CARMIL2: variants seen among roughly 807,000 people sequenced by gnomAD.
The protein encoded by CARMIL2 is capping protein regulator and myosin 1 linker 2.
In CARMIL2, 96 loss-of-function variants were observed where a neutral mutation model predicts 173.3. The observed-to-expected ratio is 0.55, with a 90% CI of 0.47 to 0.66. The LOEUF is 0.66. Ranked by LOEUF, CARMIL2 falls within the 30% of genes least tolerant of loss-of-function variation. The pLI, the probability that CARMIL2 is intolerant of heterozygous loss-of-function variation, is 0.00. For missense variants in CARMIL2, 1,771 were observed against 1,906.7 expected (o/e 0.93, Z 1.33); for synonymous variants, 830 against 817.1 (o/e 1.02, Z -0.27).
chr16:67,655,022 C>T (rs1185840048), intron 32 of CARMIL2, 122 bp downstream of exon 32: 10 of 1,312,648 alleles, frequency 7.6e-6, no homozygotes, highest in South Asian at 1.4e-5. Flanking sequence ...ACTCCATTCT[C>T]CTCGAAATGG....
At chr16:67,645,474 C>T in intron 1 of CARMIL2, 66 bp from the exon 2 acceptor site, 1 of 1,465,866 alleles carries the variant, frequency 6.8e-7, no homozygotes, top group South Asian at 1.2e-5. Context: ...CAGCCTGGCA[C>T]AGACTGTGGG....
intron 35 of CARMIL2, 44 bp from the exon 36 acceptor site, chr16:67,656,757 G>A (rs534018975): frequency 5.8e-6 from 9 of 1,549,258 alleles, no homozygotes; most frequent in African/African-American, 5.5e-5. Context: ...GGGCTGGAGT[G>A]GGGGCAGCTG....
In CARMIL2 at chr16:67,647,164, G is replaced by A; in HGVS notation, c.660G>A (p.Arg220=). 6.2e-7 allele frequency: 1 copy of A among 1,613,868 alleles called. No individual in the cohort carries two copies. The highest frequency in any genetic ancestry group is 1.3e-5 in the African/African-American group (1 of 75,046). ...CCCTGTCCTACAACCTGTGGTTCCG[G>A]TGCCTCTCCTGTGTGGACATGAAGC... The part of the protein sequence containing the change: ...VAALSYNLWF[R]CLSCVDMKLS... Residue 220 remains arginine, a synonymous_variant, in exon 9 of 38, where the codon CGG becomes CGA. Coordinates refer to ENST00000334583, the MANE Select transcript of CARMIL2 (RefSeq NM_001013838.3).
At chr16:67,650,304 C>G in intron 22 of CARMIL2, 154 bp downstream of exon 22, 1 of 629,480 alleles carries the variant, frequency 1.6e-6, no homozygotes, top group South Asian at 1.9e-5. Flanking sequence ...CTGGAGGCGG[C>G]TAAACACCCC....
At chr16:67,656,695 G>C (rs774282527) in intron 35 of CARMIL2, 50 bp downstream of exon 35, 5 of 1,571,850 alleles carry the variant, frequency 3.2e-6, no homozygotes, top group Non-Finnish European at 4.3e-6. Context: ...GGGGCTGGAG[G>C]AGTTCCTGCT....
rs751887211 is a variant in CARMIL2 at position 67,656,829 on chromosome 16, G to A, written c.4065G>A (p.Ser1355=). 22 of 1,550,672 alleles carry A rather than the reference G, an allele frequency of 1.4e-5. No individual in the cohort carries two copies. The highest frequency in any genetic ancestry group is 1.7e-4 in the Middle Eastern group (1 of 5,956). Reference sequence around the variant, plus strand: ...GCCAGCTGAGGCCGAGGCCTCTCTCGGCAGGGCGGCGAGCAGTGTCTGTGC... The same window carrying A: ...GCCAGCTGAGGCCGAGGCCTCTCTCAGCAGGGCGGCGAGCAGTGTCTGTGC... The part of the protein sequence containing the change: ...EDGQLRPRPL[S]AGRRAVSVHE... The change falls in exon 36 of 38, where the codon TCG becomes TCA. Residue 1355 remains serine, a synonymous_variant. Transcript: ENST00000334583.
At position 67,652,595 on chromosome 16, in the gene CARMIL2, C is replaced by T; in HGVS notation, c.2884+57C>T. 1 of 1,533,922 alleles carries T rather than the reference C, an allele frequency of 6.5e-7. No individual in the cohort carries two copies. On this transcript the variant is annotated intron_variant, in intron 28 of 37. Transcript: ENST00000334583. The surrounding 1 kb of genome is among the most constrained non-coding windows in gnomAD (Gnocchi z 4.7). ...GTGGGTGGGCTGAAGCTCCATTAGACTTGGGGACCCGGGGACCTGGATGAA... is the reference window on the plus strand; with the variant it reads ...GTGGGTGGGCTGAAGCTCCATTAGATTTGGGGACCCGGGGACCTGGATGAA...
At position 67,656,838 on chromosome 16, in the gene CARMIL2, G is replaced by A; in HGVS notation, c.4074G>A (p.Arg1358=). The A allele has an allele frequency of 6.4e-7, 1 of 1,550,674 alleles. No homozygotes were observed. The highest frequency in any genetic ancestry group is 8.7e-7 in the Non-Finnish European group (1 of 1,146,874). The change falls in exon 36 of 38, where the codon CGG becomes CGA. Residue 1358 remains arginine (R), a synonymous_variant. Coordinates refer to ENST00000334583, the MANE Select transcript of CARMIL2 (RefSeq NM_001013838.3). ...GGCCGAGGCCTCTCTCGGCAGGGCG[G>A]CGAGCAGTGTCTGTGCATGAGGACC... The part of the protein sequence containing the change: ...QLRPRPLSAG[R]RAVSVHEDQL...
chr16:67,650,914 C>T, intron 22 of CARMIL2: 1 of 425,520 alleles, frequency 2.4e-6, no homozygotes, highest in Non-Finnish European at 4.3e-6. Context: ...AGTCTATCCT[C>T]TGTGTGGACA....
In CARMIL2 at chr16:67,654,437, A is replaced by G. The variant is rs920222103; in HGVS notation, c.3327A>G (p.Ser1109=). 5.0e-6 allele frequency: 8 copies of G among 1,612,704 alleles called. No individual in the cohort carries two copies. Among genetic ancestry groups the G allele is most frequent in the Non-Finnish European group, 5.9e-6 (7 of 1,179,536 alleles). The change falls in exon 31 of 38, where the codon TCA becomes TCG. Residue 1109 remains serine, a synonymous_variant. Coordinates refer to ENST00000334583, the MANE Select transcript of CARMIL2 (RefSeq NM_001013838.3). Reference sequence around the variant, plus strand: ...TCTTTGCCTTCAAGAAGCCTCGTTCAACGCGGGGTCCACGGACTGATCTAG... The same window carrying G: ...TCTTTGCCTTCAAGAAGCCTCGTTCGACGCGGGGTCCACGGACTGATCTAG... The part of the protein sequence containing the change: ...GTLFAFKKPR[S]TRGPRTDLET...
At position 67,645,293 on chromosome 16, in the gene CARMIL2, G is replaced by T. The variant is rs1189590588; in HGVS notation, c.40+7G>T. On this transcript the variant is annotated splice_region_variant and intron_variant, in intron 1 of 37. Transcript: ENST00000334583. ...ATCTCCTGTGAGCTCCGAGGTAAGC[G>T]CTGGCCCTTCCTGCCTTCTTGGCCG... is the stretch of plus-strand genomic sequence containing the variant. The T allele has an allele frequency of 1.2e-6, 2 of 1,603,212 alleles. No homozygotes were observed. Among genetic ancestry groups the T allele is most frequent in the East Asian group, 2.2e-5 (1 of 44,582 alleles).
rs900546721 is a variant in CARMIL2 at position 67,653,009 on chromosome 16, G to T, written c.2885-10G>T. On this transcript the variant is annotated splice_polypyrimidine_tract_variant and intron_variant, in intron 28 of 37. Transcript: ENST00000334583. This position sits in a 1 kb window ranked among gnomAD's most constrained non-coding sequence, Gnocchi z 7.4. ...CGGCGCTCGGTGCTCTTCTGGTGCT[G>T]TCCCCTCAGGTGCTGCTGAGGAAGC... 7.9e-7 allele frequency: 1 copy of T among 1,260,434 alleles called. No individual in the cohort carries two copies. Among genetic ancestry groups the T allele is most frequent in the Non-Finnish European group, 1.0e-6 (1 of 982,286 alleles). 78.1% of individuals were successfully genotyped at this position (1,260,434 alleles called of 1,614,324 possible). A position where few individuals can be genotyped will look rare whatever the true frequency, so the allele number is the denominator to read the frequency against.
At position 67,651,450 on chromosome 16, in the gene CARMIL2, A is replaced by C. The variant is rs1314145192; in HGVS notation, c.2363A>C (p.Gln788Pro). 6.3e-7 allele frequency: 1 copy of C among 1,598,242 alleles called. No individual in the cohort carries two copies. Among genetic ancestry groups the C allele is most frequent in the African/African-American group, 1.3e-5 (1 of 74,650 alleles). The change falls in exon 24 of 38, where the codon CAG (glutamine) becomes CCG (proline). Residue 788 changes from glutamine to proline, a missense_variant. Physicochemically the swap from Gln to Pro is moderately conservative, Grantham distance 76 (BLOSUM62 -1). Coordinates refer to ENST00000334583, the MANE Select transcript of CARMIL2 (RefSeq NM_001013838.3). The surrounding 1 kb of genome is among the most constrained non-coding windows in gnomAD (Gnocchi z 4.2). ...GGAAGCTCCCCAAGCCATCACTGGC[A>C]GCTTGGGCAGAAGCTGGAGGGCCTT... ...EAGSSPSHHW[Q>P]LGQKLEGLLR...
Position 67,654,148 on chromosome 16 carries a change from G to C in CARMIL2, c.3121-1G>C. The C allele has an allele frequency of 3.2e-6, 5 of 1,540,206 alleles. No individual in the cohort carries two copies. The highest frequency in any genetic ancestry group is 4.4e-6 in the Non-Finnish European group (5 of 1,144,314). On this transcript the variant is annotated splice_acceptor_variant, in intron 29 of 37. Transcript: ENST00000334583. LOFTEE classifies it high-confidence loss of function. The stretch of plus-strand genomic sequence containing the variant: ...ACCCCTGACCCCATGATGCCCCCCA[G>C]GTACCCCCAGCCTTGCCGCAGGAAG...
At chr16:67,656,353 T>C in intron 34 of CARMIL2, 54 bp downstream of exon 34, 1 of 1,610,964 alleles carries the variant, frequency 6.2e-7, no homozygotes, top group Non-Finnish European at 8.5e-7. Flanking sequence ...AGGCAGGAGT[T>C]GGGTCAGACT....
chr16:67,650,877 A>G lies in CARMIL2; in HGVS notation c.2185-310A>G, dbSNP rs1279013075. On this transcript the variant is annotated intron_variant, in intron 22 of 37. Transcript: ENST00000334583. ...TCCTCCTGGTCCCTCCTCCAGGGCT[A>G]CTCACTCCCTTTTCTACCCCTCTCT... is the stretch of plus-strand genomic sequence containing the variant. 9.7e-6 allele frequency: 3 copies of G among 308,784 alleles called. No individual in the cohort carries two copies. The East Asian group carries it at 1.8e-4, about 19-fold the overall frequency. 19.1% of individuals were successfully genotyped at this position (308,784 alleles called of 1,614,324 possible). A position where few individuals can be genotyped will look rare whatever the true frequency, so the allele number is the denominator to read the frequency against.
At position 67,646,302 on chromosome 16, in the gene CARMIL2, G is replaced by T; in HGVS notation, c.366G>T (p.Ser122=). The change falls in exon 5 of 38, where the codon TCG becomes TCT. Residue 122 remains serine, a synonymous_variant. Transcript: ENST00000334583. This position sits in a 1 kb window ranked among gnomAD's most constrained non-coding sequence, Gnocchi z 4.6. ...AAAIKKVFPR[S]TLGKLFRRPT... is the part of the protein sequence containing the mutation. ...CCATCAAGAAGGTCTTCCCTCGCTC[G>T]ACCCTTGGGTGAGGCCTGGCAAATT... 1.2e-6 allele frequency: 2 copies of T among 1,613,326 alleles called. No individual in the cohort carries two copies. The highest frequency in any genetic ancestry group is 2.2e-5 in the South Asian group (2 of 91,042).
intron 9 of CARMIL2, 24 bp from the exon 10 acceptor site, chr16:67,647,275 G>A (rs1437359100): frequency 1.9e-6 from 3 of 1,610,170 alleles, no homozygotes; most frequent in South Asian, 2.2e-5. Flanking sequence ...TGCAGCCCGT[G>A]AGCCGCCGCC....
Position 67,647,744 on chromosome 16 carries a change from C to T in CARMIL2, c.936C>T (p.Ala312=), listed in dbSNP as rs1324135290. Residue 312 remains alanine (A), a synonymous_variant, in exon 12 of 38, where the codon GCC becomes GCT. Transcript: ENST00000334583. ...GAGCCCTGAGGAGACTCAGCCTGGC[C>T]CAGACAGGGTTGACACCGCGAGGTA... is the stretch of plus-strand genomic sequence containing the variant. The part of the protein sequence containing the change: ...CPGALRRLSL[A]QTGLTPRGMR... 1 of 1,583,954 alleles carries T rather than the reference C, an allele frequency of 6.3e-7. No individual in the cohort carries two copies. Among genetic ancestry groups the T allele is most frequent in the Non-Finnish European group, 8.6e-7 (1 of 1,167,418 alleles).
Sources: allele counts gnomAD v4.1 joint callset, GRCh38; gene constraint gnomAD v4.1.1; non-coding constraint Gnocchi (gnomAD v3.1); transcripts MANE v1.5; gene names NCBI Gene and HGNC (gene_info 2026-07-23, HGNC 2026-07-21).